NEDD9: variants seen among roughly 807,000 people sequenced by gnomAD.
The protein encoded by NEDD9 is neural precursor cell expressed, developmentally down-regulated 9, also known as enhancer of filamentation 1.
Under a neutral mutation model 76.6 loss-of-function variants are expected in NEDD9, and 26 were observed. That is an observed-to-expected ratio of 0.34 (90% CI 0.25 to 0.47). NEDD9 has a LOEUF of 0.47. Ranked by LOEUF, NEDD9 falls within the 20% of genes least tolerant of loss-of-function variation. The probability of loss-of-function intolerance (pLI) is 1.00; values close to 1 mark genes in which losing one functional copy is unlikely to be tolerated. For synonymous variants in NEDD9, 392 were observed against 414.2 expected, an observed-to-expected ratio of 0.95 and a Z score of 0.65; for missense variants, 937 against 1,058.5, an observed-to-expected ratio of 0.89 and a Z score of 1.59.
At chr6:11,210,766 G>GGAGAGAGAGGGGGAGA (rs1758763062) in intron 2 of NEDD9, among the ~76,000 whole-genome samples, 1 of 121,854 alleles carries the variant, frequency 8.2e-6, no homozygotes, top group African/African-American at 3.3e-5. Context: ...AGGGATGGGG[G>GGAGAGAGAGGGGGAGA]GAGAGAGAGA....
intron 5 of NEDD9, among the ~76,000 whole-genome samples, chr6:11,188,832 A>G (rs1391635549): frequency 6.6e-6 from 1 of 152,164 alleles, no homozygotes; most frequent in Admixed American, 6.5e-5. Context: ...CTTGCGCTTG[A>G]GGGAATTTGG....
intron 1 of NEDD9, among the ~76,000 whole-genome samples, chr6:11,222,587 C>G (rs1434050425): frequency 6.6e-6 from 1 of 152,192 alleles, no homozygotes; most frequent in Non-Finnish European, 1.5e-5. Flanking sequence ...TGTTATACAC[C>G]AGTTTATGAG....
chr6:11,259,822 G>A (rs910496350), intron 3 of NEDD9, among the ~76,000 whole-genome samples: 1 of 152,124 alleles, frequency 6.6e-6, no homozygotes, highest in Non-Finnish European at 1.5e-5. Flanking sequence ...ATTTTAACGT[G>A]TAGGATGAGG....
intron 3 of NEDD9, among the ~76,000 whole-genome samples, chr6:11,267,803 A>G (rs1760227161): frequency 6.6e-6 from 1 of 152,196 alleles, no homozygotes; most frequent in Admixed American, 6.5e-5. Flanking sequence ...TCTCCAATAA[A>G]CTAATTACCT....
rs561277018 is a variant in NEDD9 at position 11,376,638 on chromosome 6, G to A, written c.-214+5501C>T. Among the ~76,000 whole-genome samples the A allele has an allele frequency of 2.5e-4, 38 of 152,308 alleles. No individual in the cohort carries two copies. The South Asian group carries it at 7.9e-3, about 32-fold the overall frequency. On this transcript the variant is annotated intron_variant, in intron 1 of 3. Coordinates refer to the NEDD9 transcript ENST00000397378. ...CTAAATCAGATATGGGAGCAAAGAA[G>A]TGACTTAACATTGAAATTTATATTT...
intron 2 of NEDD9, among the ~76,000 whole-genome samples, chr6:11,210,606 G>A (rs1170787998): frequency 6.6e-6 from 1 of 152,148 alleles, no homozygotes; most frequent in Admixed American, 6.5e-5. Context: ...CCCACCCACT[G>A]AGAATATCCT....
At chr6:11,334,832 T>C (rs1762118810) in intron 1 of NEDD9, among the ~76,000 whole-genome samples, 1 of 152,200 alleles carries the variant, frequency 6.6e-6, no homozygotes, top group Non-Finnish European at 1.5e-5. Flanking sequence ...CAGAGACAAC[T>C]GGCAACATCA....
intron 3 of NEDD9, among the ~76,000 whole-genome samples, chr6:11,296,010 G>C (rs1582004802): frequency 6.6e-6 from 1 of 152,100 alleles, no homozygotes; most frequent in East Asian, 1.9e-4. Context: ...AAGTAATTAA[G>C]TTAAAATGAG....
chr6:11,288,692 C>A (rs1216186643), intron 3 of NEDD9, among the ~76,000 whole-genome samples: 2 of 152,158 alleles, frequency 1.3e-5, no homozygotes, highest in African/African-American at 4.8e-5. Context: ...GCTGACCAGC[C>A]CCTTCTGTTC....
intron 2 of NEDD9, chr6:11,200,698 A>G: frequency 7.7e-7 from 1 of 1,296,780 alleles, no homozygotes. Flanking sequence ...TCTACGAGGC[A>G]GTGAGAATTT....
intron 1 of NEDD9, among the ~76,000 whole-genome samples, chr6:11,223,700 G>A (rs1232718543): frequency 6.6e-6 from 1 of 152,184 alleles, no homozygotes; most frequent in Non-Finnish European, 1.5e-5. Flanking sequence ...CAGGTTTAAA[G>A]CAAGAACAAT....
chr6:11,267,934 C>A (rs1358352922), intron 3 of NEDD9, among the ~76,000 whole-genome samples: 1 of 152,200 alleles, frequency 6.6e-6, no homozygotes. Flanking sequence ...TCAGGCTTCA[C>A]CCTACAACAG....
chr6:11,255,849 G>T (rs1759993956), intron 3 of NEDD9, among the ~76,000 whole-genome samples: 1 of 152,188 alleles, frequency 6.6e-6, no homozygotes, highest in South Asian at 2.1e-4. Flanking sequence ...GGAGAGATTG[G>T]AAGGGAACCA....
At chr6:11,204,011 A>G (rs1561786471) in intron 2 of NEDD9, among the ~76,000 whole-genome samples, 1 of 151,490 alleles carries the variant, frequency 6.6e-6, no homozygotes, top group Non-Finnish European at 1.5e-5. Flanking sequence ...GGCCGTTTTT[A>G]TTAAACTGTT....
intron 1 of NEDD9, among the ~76,000 whole-genome samples, chr6:11,339,848 CTG>C (rs1376709299): frequency 6.6e-6 from 1 of 152,166 alleles, no homozygotes; most frequent in Non-Finnish European, 1.5e-5. Flanking sequence ...TTAAACAAGA[CTG>C]TGCTTGCATT....
At chr6:11,379,921 C>G (rs1257042708) in intron 1 of NEDD9, among the ~76,000 whole-genome samples, 1 of 152,190 alleles carries the variant, frequency 6.6e-6, no homozygotes, top group Admixed American at 6.5e-5. Context: ...TTCCACACTT[C>G]AGAAATTTTC....
At chr6:11,276,388 TGTGC>T (rs1760417489) in intron 3 of NEDD9, among the ~76,000 whole-genome samples, 1 of 152,204 alleles carries the variant, frequency 6.6e-6, no homozygotes, top group Non-Finnish European at 1.5e-5. Context: ...CACGTGTGTG[TGTGC>T]GTGCATGTGT....
intron 3 of NEDD9, among the ~76,000 whole-genome samples, chr6:11,287,153 G>A (rs753841008): frequency 1.1e-4 from 16 of 152,136 alleles, no homozygotes; most frequent in East Asian, 3.8e-4. Flanking sequence ...TAGGCTGGGC[G>A]CGGTGGCTCA....
intron 3 of NEDD9, among the ~76,000 whole-genome samples, chr6:11,273,501 C>T (rs942109147): frequency 2.0e-5 from 3 of 152,232 alleles, no homozygotes; most frequent in African/African-American, 4.8e-5. Context: ...TGCTGAGGTG[C>T]GAACGGCCGG....
Sources: allele counts gnomAD v4.1 joint callset (sites outside exome capture counted in the v4.1 genomes callset), GRCh38; gene constraint gnomAD v4.1.1; transcripts MANE v1.5; gene names NCBI Gene and HGNC (gene_info 2026-07-23, HGNC 2026-07-21).